PKP2: variants seen among roughly 807,000 people sequenced by gnomAD.
The protein encoded by PKP2 is plakophilin 2, also known as plakophilin-2.
Under a neutral mutation model 83.4 loss-of-function variants are expected in PKP2, and 73 were observed. The ratio of observed to expected loss-of-function variants is 0.88; its 90% CI spans 0.72 to 1.06. The LOEUF is 1.06. Ranked by LOEUF, PKP2 falls within the 50% of genes least tolerant of loss-of-function variation. The pLI is 0.00. For missense variants in PKP2, 966 were observed against 1,065.4 expected, an observed-to-expected ratio of 0.91 and a Z score of 1.30; for synonymous variants, 409 against 430.4, an observed-to-expected ratio of 0.95 and a Z score of 0.62.
chr12:32,846,763 A>G (rs962445267), intron 5 of PKP2, among the ~76,000 whole-genome samples: 1 of 150,886 alleles, frequency 6.6e-6, no homozygotes, highest in South Asian at 2.1e-4. Context: ...AAAAAAAAAA[A>G]GAAGAGAGAG....
rs763648594 is a variant in PKP2, at chr12:32,822,486, C to T, written c.1820G>A (p.Arg607Gln). 9 of 1,613,904 alleles carry T rather than the reference C, an allele frequency of 5.6e-6. No homozygotes were observed. Among genetic ancestry groups the T allele is most frequent in the African/African-American group, 5.3e-5 (4 of 74,904 alleles). ...NNKSIGCFGS[R>Q]SRKVKEQYQD... is the part of the protein sequence containing the mutation. ...ATATACCTCTTTTACTTTCCTGCTT[C>T]GACTGCCAAAACATCCAATACTTTT... Residue 607 changes from arginine to glutamine, a missense_variant, in exon 8 of 13, where the codon CGA (arginine) becomes CAA (glutamine). By Grantham distance (43) the Arg-to-Gln change is conservative. Coordinates refer to ENST00000340811, the MANE Select transcript of PKP2 (RefSeq NM_001005242.3).
intron 11 of PKP2, among the ~76,000 whole-genome samples, chr12:32,795,233 T>C (rs1214829421): frequency 6.6e-6 from 1 of 151,932 alleles, no homozygotes; most frequent in Non-Finnish European, 1.5e-5. Context: ...GGAACACAGA[T>C]GTGGAATGAC....
At chr12:32,868,170 G>A (rs544025211) in intron 4 of PKP2, among the ~76,000 whole-genome samples, 75 of 152,282 alleles carry the variant, frequency 4.9e-4, no homozygotes, top group African/African-American at 1.7e-3. Context: ...TTTTGGTAAT[G>A]AGTGGCTGTT....
chr12:32,800,006 T>C (rs1224048787), intron 10 of PKP2, among the ~76,000 whole-genome samples: 10 of 152,248 alleles, frequency 6.6e-5, no homozygotes, highest in Admixed American at 2.6e-4. Context: ...CAATGTGAAC[T>C]TGTGCTTAAA....
intron 3 of PKP2, among the ~76,000 whole-genome samples, chr12:32,874,463 G>GA (rs969187220): frequency 1.3e-5 from 2 of 151,948 alleles, no homozygotes; most frequent in African/African-American, 2.4e-5. Context: ...CATAATCAGA[G>GA]AAAAAAAGTT....
chr12:32,811,419 T>G (rs1045441347), intron 9 of PKP2, among the ~76,000 whole-genome samples: 1 of 152,276 alleles, frequency 6.6e-6, no homozygotes, highest in East Asian at 1.9e-4. Flanking sequence ...GCCATGACTC[T>G]GGCAAACTCA....
intron 1 of PKP2, among the ~76,000 whole-genome samples, chr12:32,879,287 C>T (rs201208172): frequency 6.6e-6 from 1 of 152,216 alleles, no homozygotes; most frequent in Non-Finnish European, 1.5e-5. Flanking sequence ...TATCCCAGCA[C>T]TCTGGGAGGC....
intron 4 of PKP2, among the ~76,000 whole-genome samples, chr12:32,855,892 T>C (rs1956743282): frequency 6.6e-6 from 1 of 150,900 alleles, no homozygotes; most frequent in Admixed American, 6.6e-5. Context: ...GAATCATAAA[T>C]AGGATCTGCC....
At chr12:32,805,620 G>A (rs1166731036) in intron 9 of PKP2, among the ~76,000 whole-genome samples, 1 of 152,108 alleles carries the variant, frequency 6.6e-6, no homozygotes, top group Admixed American at 6.5e-5. Flanking sequence ...TTGTAGGTGT[G>A]CAGTCTTAAT....
intron 9 of PKP2, among the ~76,000 whole-genome samples, chr12:32,816,208 G>T (rs1956316951): frequency 6.6e-6 from 1 of 151,812 alleles, no homozygotes; most frequent in Non-Finnish European, 1.5e-5. Flanking sequence ...GTACATAATA[G>T]TTAGTTTTTC....
At chr12:32,818,659 T>A (rs557587120) in intron 9 of PKP2, among the ~76,000 whole-genome samples, 1 of 152,238 alleles carries the variant, frequency 6.6e-6, no homozygotes, top group Non-Finnish European at 1.5e-5. Context: ...TTTTACTAAC[T>A]AGAAATTCTG....
chr12:32,870,885 C>T (rs185369437), intron 3 of PKP2, among the ~76,000 whole-genome samples: 2 of 152,230 alleles, frequency 1.3e-5, no homozygotes, highest in Admixed American at 1.3e-4. Context: ...TACTCTAATC[C>T]TTTATTTTCC....
intron 3 of PKP2, 130 bp from the exon 4 acceptor site, chr12:32,869,192 C>A (rs1026475007): frequency 9.2e-7 from 1 of 1,085,628 alleles, no homozygotes; most frequent in Non-Finnish European, 1.4e-6. Flanking sequence ...TTTTCTTCAG[C>A]CAAAAGAAAA....
chr12:32,892,306 CAGA>C (rs962240845), intron 1 of PKP2, among the ~76,000 whole-genome samples: 2 of 150,248 alleles, frequency 1.3e-5, no homozygotes, highest in Non-Finnish European at 3.0e-5. Context: ...ATTCTCTCTC[CAGA>C]ATTCACTTTT....
rs766842360 is a variant in PKP2 at position 32,850,963 on chromosome 12, A to T, written c.1181T>A (p.Leu394His). The T allele has an allele frequency of 5.0e-6, 8 of 1,613,948 alleles. No homozygotes were observed. The African/African-American group carries it at 8.0e-5, about 16-fold the overall frequency. Residue 394 changes from leucine (L) to histidine (H), a missense_variant, in exon 5 of 13, where the codon CTT becomes CAT. By Grantham distance (99) the Leu-to-His change is moderately conservative (BLOSUM62 -3). Coordinates refer to ENST00000340811, the MANE Select transcript of PKP2 (RefSeq NM_001005242.3). ...CTGCAGAAGCTTGAGGATGCCACGAAGCTGGTTAACCTGGGGAAGAAGCAG... is the reference window on the plus strand; with the variant it reads ...CTGCAGAAGCTTGAGGATGCCACGATGCTGGTTAACCTGGGGAAGAAGCAG... ...KSEARKRVNQLRGILKLLQLL... is the reference protein window; with the variant it reads ...KSEARKRVNQHRGILKLLQLL...
At position 32,896,647 on chromosome 12, in the gene PKP2, TG is replaced by T. The variant is rs1352221104; in HGVS notation, c.84del (p.Ser29AlafsTer10). 1 of 1,570,876 alleles carries T rather than the reference TG, an allele frequency of 6.4e-7. No individual in the cohort carries two copies. The highest frequency in any genetic ancestry group is 1.8e-5 in the Admixed American group (1 of 56,420). Reference sequence around the variant, plus strand: ...TTGGCCTCGGAGGGCAGCGCCAGGCTGGAGCTGTCCAGTTGTCCCAGGATCT... The same window carrying T: ...TTGGCCTCGGAGGGCAGCGCCAGGCTGAGCTGTCCAGTTGTCCCAGGATCT... ...GQQILGQLDSSSLALPSEAKL... is the reference protein window; with the variant it reads ...GQQILGQLDSXSLALPSEAKL... On this transcript the variant is annotated frameshift_variant, in exon 1 of 13. Transcript: ENST00000340811. LOFTEE classifies it high-confidence loss of function.
At chr12:32,861,121 T>C (rs1443609393) in intron 4 of PKP2, among the ~76,000 whole-genome samples, 1 of 152,086 alleles carries the variant, frequency 6.6e-6, no homozygotes, top group Non-Finnish European at 1.5e-5. Context: ...AGCTCAAGAA[T>C]ATTTACAAAA....
chr12:32,842,209 A>C (rs1219917289), intron 5 of PKP2, among the ~76,000 whole-genome samples: 1 of 151,736 alleles, frequency 6.6e-6, no homozygotes, highest in Non-Finnish European at 1.5e-5. Flanking sequence ...TATTCCAGGG[A>C]CTCCCAGCAG....
chr12:32,850,821 C>T lies in PKP2; in HGVS notation c.1323G>A (p.Arg441=). 1 of 1,613,574 alleles carries T rather than the reference C, an allele frequency of 6.2e-7. No homozygotes were observed. ...TGGTTTGCTTCAGCACCTGGAGCAGCCGAGGTACCCCATTTAGTTCAGCCA... is the reference window on the plus strand; with the variant it reads ...TGGTTTGCTTCAGCACCTGGAGCAGTCGAGGTACCCCATTTAGTTCAGCCA... ...LEVAELNGVP[R]LLQVLKQTRD... is the part of the protein sequence containing the mutation. The change falls in exon 5 of 13, where the codon CGG becomes CGA. Residue 441 remains arginine (R), a synonymous_variant. Transcript: ENST00000340811.
Sources: allele counts gnomAD v4.1 joint callset (sites outside exome capture counted in the v4.1 genomes callset), GRCh38; gene constraint gnomAD v4.1.1; transcripts MANE v1.5; gene names NCBI Gene and HGNC (gene_info 2026-07-23, HGNC 2026-07-21).